ST3GAL3: variants seen among roughly 807,000 people sequenced by gnomAD.
ST3GAL3 encodes the protein CMP-N-acetylneuraminate-beta-1,4-galactoside alpha-2,3-sialyltransferase.
Under a neutral mutation model 50.1 loss-of-function variants are expected in ST3GAL3, and 21 were observed. The observed-to-expected ratio is 0.42, with a 90% CI of 0.30 to 0.60. The LOEUF (loss-of-function observed/expected upper bound fraction) is 0.60, where lower values mean the gene tolerates loss of function less well. ST3GAL3 is among the 20% of genes least tolerant of loss of function. ST3GAL3 has a pLI of 0.19. For synonymous variants in ST3GAL3, 183 were observed against 190.0 expected, an observed-to-expected ratio of 0.96 and a Z score of 0.30; for missense variants, 353 against 489.4, an observed-to-expected ratio of 0.72 and a Z score of 2.63.
chr1:43,826,865 G>A (rs952488945), intron 4 of ST3GAL3, among the ~76,000 whole-genome samples: 3 of 152,120 alleles, frequency 2.0e-5, no homozygotes, highest in Non-Finnish European at 4.4e-5. Flanking sequence ...ATCCATAGAT[G>A]TAAAAAAACC....
intron 3 of ST3GAL3, among the ~76,000 whole-genome samples, chr1:43,805,719 G>A (rs1393947806): frequency 6.6e-6 from 1 of 152,010 alleles, no homozygotes; most frequent in Non-Finnish European, 1.5e-5. Flanking sequence ...ACATAGGGAG[G>A]ACAAGGAACG....
intron 3 of ST3GAL3, among the ~76,000 whole-genome samples, chr1:43,805,924 CG>C (rs377319357): frequency 4.6e-5 from 7 of 152,210 alleles, no homozygotes; most frequent in African/African-American, 1.7e-4. Context: ...TTAGTAGAAA[CG>C]GGGTTTCACC....
At chr1:43,709,060 G>A (rs1160416419) in intron 1 of ST3GAL3, among the ~76,000 whole-genome samples, 1 of 152,210 alleles carries the variant, frequency 6.6e-6, no homozygotes, top group African/African-American at 2.4e-5. Flanking sequence ...CCATGTGTTT[G>A]AGGAAGGTTT....
intron 4 of ST3GAL3, among the ~76,000 whole-genome samples, chr1:43,817,727 TCC>T (rs2061539269): frequency 9.9e-6 from 1 of 100,724 alleles, no homozygotes; most frequent in Non-Finnish European, 2.2e-5. Context: ...CTCCTTCTCC[TCC>T]TCCCCCTCCT....
intron 5 of ST3GAL3, among the ~76,000 whole-genome samples, chr1:43,873,874 C>T (rs1451272640): frequency 6.6e-6 from 1 of 151,780 alleles, no homozygotes; most frequent in East Asian, 1.9e-4. Flanking sequence ...GGGAAGAGGT[C>T]CAGACTATGA....
chr1:43,830,112 A>G (rs1051827042), intron 4 of ST3GAL3, among the ~76,000 whole-genome samples: 3 of 143,706 alleles, frequency 2.1e-5, no homozygotes, highest in African/African-American at 7.7e-5. Context: ...AATCCTCCCA[A>G]CCTCAGCCTC....
chr1:43,806,469 A>G (rs187278023), intron 3 of ST3GAL3, among the ~76,000 whole-genome samples: 1 of 152,236 alleles, frequency 6.6e-6, no homozygotes, highest in Admixed American at 6.5e-5. Context: ...CAGGGTCTGC[A>G]TGTAGAAATG....
intron 9 of ST3GAL3, among the ~76,000 whole-genome samples, chr1:43,911,474 AT>A (rs1211781180): frequency 6.6e-6 from 1 of 151,082 alleles, no homozygotes; most frequent in African/African-American, 2.4e-5. Flanking sequence ...CTTCTAGGAC[AT>A]TTTTCAAGGA....
At chr1:43,886,708 A>G (rs2076038769) in intron 5 of ST3GAL3, among the ~76,000 whole-genome samples, 1 of 152,204 alleles carries the variant, frequency 6.6e-6, no homozygotes. Context: ...TCTAGATTGC[A>G]TTAGATTGGA....
intron 5 of ST3GAL3, chr1:43,838,518 C>T: frequency 3.6e-6 from 2 of 556,468 alleles, no homozygotes; most frequent in Non-Finnish European, 3.3e-6. Flanking sequence ...CTGGAGCTTG[C>T]ACCTTGTGGC....
At chr1:43,879,496 C>G (rs369748558) in intron 5 of ST3GAL3, 7 of 446,426 alleles carry the variant, frequency 1.6e-5, no homozygotes, top group African/African-American at 1.4e-4. Flanking sequence ...AGGGCCGTAG[C>G]AGTGGAGAGA....
At chr1:43,785,749 T>G (rs1419326791) in intron 2 of ST3GAL3, among the ~76,000 whole-genome samples, 1 of 152,124 alleles carries the variant, frequency 6.6e-6, no homozygotes, top group Admixed American at 6.5e-5. Flanking sequence ...CCCAACTGTC[T>G]GTACTTCCCA....
At chr1:43,743,966 TG>T (rs1682338506) in intron 2 of ST3GAL3, among the ~76,000 whole-genome samples, 2 of 151,848 alleles carry the variant, frequency 1.3e-5, no homozygotes, top group Non-Finnish European at 2.9e-5. Flanking sequence ...GGATATGGGA[TG>T]GGGAAAGATA....
intron 4 of ST3GAL3, chr1:43,819,187 C>T (rs37461): frequency 0.46 from 69,191 of 152,064 alleles, 15,918 homozygotes; most frequent in Middle Eastern, 0.55. Context: ...TCCGCCTCCC[C>T]GGTTCAAGCG....
At chr1:43,785,120 G>A (rs911611302) in intron 2 of ST3GAL3, among the ~76,000 whole-genome samples, 1 of 152,090 alleles carries the variant, frequency 6.6e-6, no homozygotes, top group Non-Finnish European at 1.5e-5. Flanking sequence ...AGACTGGGGG[G>A]GTTAGATCCC....
intron 9 of ST3GAL3, among the ~76,000 whole-genome samples, chr1:43,918,073 A>C (rs889363948): frequency 8.7e-5 from 13 of 150,282 alleles, no homozygotes; most frequent in Non-Finnish European, 1.6e-4. Context: ...GCATTAATGT[A>C]TAGATAATTA....
intron 2 of ST3GAL3, among the ~76,000 whole-genome samples, chr1:43,767,618 A>G (rs1259933076): frequency 6.6e-6 from 1 of 151,150 alleles, no homozygotes; most frequent in Non-Finnish European, 1.5e-5. Context: ...GGTCAAAGAA[A>G]AAATCATGGG....
chr1:43,900,964 T>A (rs1408419785), intron 9 of ST3GAL3: 1 of 152,264 alleles, frequency 6.6e-6, no homozygotes, highest in Non-Finnish European at 1.5e-5. Flanking sequence ...GATTTGGCCT[T>A]AGCCAGGCCC....
intron 4 of ST3GAL3, among the ~76,000 whole-genome samples, chr1:43,822,052 T>C (rs182222629): frequency 1.2e-3 from 181 of 152,140 alleles, no homozygotes; most frequent in African/African-American, 4.0e-3. Flanking sequence ...GTTGAAGAGA[T>C]TGCAAGTTGC....
Sources: gnomAD v4.1 joint callset for allele counts (sites outside exome capture counted in the v4.1 genomes callset) on GRCh38, gnomAD v4.1.1 for gene constraint, MANE v1.5 for transcripts, NCBI Gene and HGNC (gene_info 2026-07-23, HGNC 2026-07-21) for gene names.